APBA2: variants seen among roughly 807,000 people sequenced by gnomAD.
APBA2 encodes the protein amyloid beta precursor protein binding family A member 2, also known as amyloid-beta A4 precursor protein-binding family A member 2.
In APBA2, 30 loss-of-function variants were observed where a neutral mutation model predicts 75.0. That is an observed-to-expected ratio of 0.40 (90% CI 0.30 to 0.54). The LOEUF is 0.54. Ranked by LOEUF, APBA2 falls within the 20% of genes least tolerant of loss-of-function variation. APBA2 has a pLI of 0.49. For synonymous variants in APBA2, 444 were observed against 409.6 expected, an observed-to-expected ratio of 1.08 and a Z score of -1.01; for missense variants, 801 against 1,016.1, an observed-to-expected ratio of 0.79 and a Z score of 2.88.
At position 29,114,802 on chromosome 15, in the gene APBA2, GGGTGA is replaced by G; in HGVS notation, c.2178+788_2178+792del. On this transcript the variant is annotated intron_variant, in intron 14 of 14. Transcript: ENST00000683413. ...TGCGTGTGGAGGAGTGTGTGTGTGT[GGGTGA>G]GTGTATGCGGATGTACGTGTGTGTG... is the stretch of plus-strand genomic sequence containing the variant. 3.3e-5 allele frequency among the ~76,000 whole-genome samples: 5 copies of G among 151,548 alleles called. No homozygotes were observed. In the South Asian group the frequency reaches 1.0e-3, roughly 32 times the overall value.
chr15:29,055,609 A>G (rs1333012463), intron 4 of APBA2, among the ~76,000 whole-genome samples: 1 of 151,296 alleles, frequency 6.6e-6, no homozygotes, highest in Non-Finnish European at 1.5e-5. Context: ...GACTTCTGTC[A>G]TATTTTTTTA....
At chr15:29,097,482 A>G (rs187865426) in intron 8 of APBA2, among the ~76,000 whole-genome samples, 51 of 152,292 alleles carry the variant, frequency 3.3e-4, no homozygotes, top group Admixed American at 9.1e-4. Flanking sequence ...ATTTCCTTCT[A>G]CGTGGACTCT....
At position 29,113,845 on chromosome 15, in the gene APBA2, C is replaced by G. The variant is rs371381363; in HGVS notation, c.2038-31C>G. On this transcript the variant is annotated intron_variant, in intron 13 of 14. Transcript: ENST00000683413. ...GAGCGCCTGTCGGGTGTGGCGGGAA[C>G]ACGTGTGCTGACCTGGCCATGTCTG... 3.2e-6 allele frequency: 5 copies of G among 1,586,270 alleles called. No homozygotes were observed. The South Asian group carries it at 5.7e-5, about 18-fold the overall frequency.
chr15:28,895,799 G>A (rs1426693633), intron 1 of APBA2, among the ~76,000 whole-genome samples: 4 of 152,068 alleles, frequency 2.6e-5, no homozygotes, highest in Admixed American at 2.0e-4. Flanking sequence ...AAGGCCTGCT[G>A]CTTGTTAGGC....
In APBA2 at chr15:29,054,006, A is replaced by G. The variant is rs776598599; in HGVS notation, c.122A>G (p.Tyr41Cys). 8 of 1,613,922 alleles carry G rather than the reference A, an allele frequency of 5.0e-6. No homozygotes were observed. In the African/African-American group the frequency reaches 5.3e-5, roughly 11 times the overall value. The change falls in exon 4 of 15, where the codon TAT becomes TGT. Residue 41 changes from tyrosine (Y) to cysteine (C), a missense_variant. Physicochemically the swap from Tyr to Cys is radical, Grantham distance 194. Around this residue, in one of 2 missense-constraint regions of APBA2, gnomAD observed 434 missense variants for 471.6 expected, o/e 0.92. Transcript: ENST00000683413. This position sits in a 1 kb window ranked among gnomAD's most constrained non-coding sequence, Gnocchi z 6.1. ...GACATGGAGCTGCCCTTGGAGGGCTATGTGCCCGAGGGCCTGGAGCTGGCT... is the reference window on the plus strand; with the variant it reads ...GACATGGAGCTGCCCTTGGAGGGCTGTGTGCCCGAGGGCCTGGAGCTGGCT... ...SEDMELPLEG[Y>C]VPEGLELAAL...
At position 29,117,521 on chromosome 15, in the gene APBA2, A is replaced by C; in HGVS notation, c.*388A>C. Reference sequence around the variant, plus strand: ...CGGCTCCCGGGGCAGGGCAGCCGTCACCCCTGCCTCCCGCCCCCTTGGCTG... The same window carrying C: ...CGGCTCCCGGGGCAGGGCAGCCGTCCCCCCTGCCTCCCGCCCCCTTGGCTG... On this transcript the variant is annotated 3_prime_UTR_variant, in exon 15 of 15. Coordinates refer to ENST00000683413, the MANE Select transcript of APBA2 (RefSeq NM_001353788.2). The C allele has an allele frequency of 1.2e-5, 3 of 260,058 alleles. No homozygotes were observed. The highest frequency in any genetic ancestry group is 2.2e-5 in the Non-Finnish European group (3 of 134,038). 16.1% of individuals were successfully genotyped at this position (260,058 alleles called of 1,614,324 possible). A position where few individuals can be genotyped will look rare whatever the true frequency, so the allele number is the denominator to read the frequency against.
chr15:29,053,980 G>A lies in APBA2; in HGVS notation c.96G>A (p.Glu32=). The change falls in exon 4 of 15, where the codon GAG becomes GAA. Residue 32 remains glutamate (E), a synonymous_variant. Transcript: ENST00000683413. ...CTCACAGCCAGGAGCCCGAGAGCGA[G>A]GACATGGAGCTGCCCTTGGAGGGCT... ...PVPHSQEPES[E]DMELPLEGYV... The A allele has an allele frequency of 6.2e-7, 1 of 1,614,076 alleles. No homozygotes were observed. The highest frequency in any genetic ancestry group is 8.5e-7 in the Non-Finnish European group (1 of 1,180,018).
intron 3 of APBA2, among the ~76,000 whole-genome samples, chr15:28,996,526 G>A (rs2038532299): frequency 6.6e-6 from 1 of 152,334 alleles, no homozygotes; most frequent in African/African-American, 2.4e-5. Flanking sequence ...GCAAGGGACA[G>A]GTTCTGCACT....
intron 4 of APBA2, among the ~76,000 whole-genome samples, chr15:29,069,574 C>T (rs750744060): frequency 1.3e-5 from 2 of 152,234 alleles, no homozygotes; most frequent in Non-Finnish European, 2.9e-5. Context: ...GCTCCTCTGG[C>T]CTGATCTCCC....
At chr15:28,897,235 T>G (rs2152622374) in intron 1 of APBA2, among the ~76,000 whole-genome samples, 1 of 150,210 alleles carries the variant, frequency 6.7e-6, no homozygotes, top group African/African-American at 2.5e-5. Flanking sequence ...GATGAAAAAG[T>G]ACTCCACTCC....
intron 14 of APBA2, among the ~76,000 whole-genome samples, chr15:29,116,450 C>A (rs929584310): frequency 6.6e-6 from 1 of 151,918 alleles, no homozygotes; most frequent in Admixed American, 6.6e-5. Context: ...CACGGTGAAA[C>A]CCCGTCTCTG....
chr15:29,086,438 A>G (rs1345709932), intron 6 of APBA2, among the ~76,000 whole-genome samples: 2 of 152,250 alleles, frequency 1.3e-5, no homozygotes, highest in African/African-American at 4.8e-5. Flanking sequence ...ACTAATACAC[A>G]ACATATTTTT....
chr15:28,966,537 C>T (rs2152745210), intron 2 of APBA2, among the ~76,000 whole-genome samples: 1 of 152,198 alleles, frequency 6.6e-6, no homozygotes, highest in African/African-American at 2.4e-5. Flanking sequence ...CATGACATGT[C>T]TTTTCCCATC....
intron 5 of APBA2, among the ~76,000 whole-genome samples, chr15:29,075,744 C>T (rs1179165506): frequency 2.0e-5 from 3 of 152,130 alleles, no homozygotes; most frequent in Non-Finnish European, 4.4e-5. Context: ...TAAAGATGGG[C>T]CTGGATGGCT....
At position 29,117,939 on chromosome 15, in the gene APBA2, C is replaced by CA. The variant is rs1337219401; in HGVS notation, c.*807dup. The CA allele has an allele frequency of 7.2e-5, 11 of 152,060 alleles. No homozygotes were observed. The highest frequency in any genetic ancestry group is 2.7e-4 in the African/African-American group (11 of 41,236). 9.4% of individuals were successfully genotyped at this position (152,060 alleles called of 1,614,324 possible). Reference sequence around the variant, plus strand: ...TCTTTAAAATCGATCTACACACATCCACGCACATGCGACCCCGAGGAAACG... The same window carrying CA: ...TCTTTAAAATCGATCTACACACATCCAACGCACATGCGACCCCGAGGAAACG... On this transcript the variant is annotated 3_prime_UTR_variant, in exon 15 of 15. Transcript: ENST00000683413.
chr15:29,061,689 A>G (rs8025102), intron 4 of APBA2, among the ~76,000 whole-genome samples: 3 of 152,320 alleles, frequency 2.0e-5, no homozygotes, highest in Admixed American at 2.0e-4. Context: ...TTTTTGAAGA[A>G]CCTTCTGAGA....
chr15:29,034,803 C>G (rs142221915), intron 3 of APBA2, among the ~76,000 whole-genome samples: 1 of 152,176 alleles, frequency 6.6e-6, no homozygotes, highest in Non-Finnish European at 1.5e-5. Context: ...TTTCATTGGT[C>G]TGGGGGAGGG....
At chr15:29,092,983 T>C in intron 6 of APBA2, 92 bp from the exon 7 acceptor site, 1 of 1,541,434 alleles carries the variant, frequency 6.5e-7, no homozygotes. Context: ...GCATCCTGGC[T>C]GCCGTGTTCC....
chr15:28,898,572 T>C (rs1436974461), intron 1 of APBA2, among the ~76,000 whole-genome samples: 4 of 152,134 alleles, frequency 2.6e-5, no homozygotes, highest in Non-Finnish European at 5.9e-5. Flanking sequence ...ATGGTACTGA[T>C]AGGAGGCCCA....
Sources: gnomAD v4.1 joint callset for allele counts (sites outside exome capture counted in the v4.1 genomes callset) on GRCh38, gnomAD v4.1.1 for gene constraint, gnomAD v4.1.1 regional missense constraint, Gnocchi (gnomAD v3.1) non-coding constraint, MANE v1.5 for transcripts, NCBI Gene and HGNC (gene_info 2026-07-23, HGNC 2026-07-21) for gene names.